Variants in NPHP4 observed in about 807,000 individuals in gnomAD.
NPHP4 encodes the protein nephrocystin-4.
Under a neutral mutation model 155.8 loss-of-function variants are expected in NPHP4, and 151 were observed. The ratio of observed to expected loss-of-function variants is 0.97; its 90% confidence interval spans 0.85 to 1.11. The LOEUF (loss-of-function observed/expected upper bound fraction) is 1.11. NPHP4 is among the 50% of genes least tolerant of loss of function. The pLI is 0.00. For missense variants in NPHP4, 1,956 were observed against 1,925.7 expected (o/e 1.02, Z -0.29); for synonymous variants, 845 against 816.8 (o/e 1.03, Z -0.59).
rs1020367421 is a variant in NPHP4, at chr1:5,962,378, C to A, written c.518-429G>T. Among the ~76,000 whole-genome samples the A allele has an allele frequency of 2.0e-5, 3 of 152,076 alleles. No homozygotes were observed. In the East Asian group the frequency reaches 5.8e-4, roughly 29 times the overall value. ...CAGTTTTTAATCCAACATAAAATCT[C>A]TCCCACCCACTAATTCCCTCAGTCT... is the stretch of plus-strand genomic sequence containing the variant. On this transcript the variant is annotated intron_variant, in intron 5 of 29. Transcript: ENST00000378156.
chr1:5,876,806 C>T (rs970538483), intron 20 of NPHP4: 1 of 337,622 alleles, frequency 3.0e-6, no homozygotes, highest in African/African-American at 2.1e-5. Context: ...CTCAGAATCA[C>T]CTGCAAAGCT....
intron 13 of NPHP4, among the ~76,000 whole-genome samples, chr1:5,906,178 T>C (rs569339360): frequency 2.4e-4 from 36 of 152,328 alleles, no homozygotes; most frequent in African/African-American, 7.9e-4. Flanking sequence ...AGCATGTTTA[T>C]AGAACAGAAA....
intron 5 of NPHP4, among the ~76,000 whole-genome samples, chr1:5,966,918 C>G (rs992561511): frequency 3.3e-5 from 5 of 152,256 alleles, no homozygotes; most frequent in African/African-American, 9.6e-5. Context: ...TCTAAGGCGG[C>G]CTCTCAGCCA....
At chr1:5,970,128 C>A (rs924870248) in intron 3 of NPHP4, among the ~76,000 whole-genome samples, 4 of 152,150 alleles carry the variant, frequency 2.6e-5, no homozygotes, top group Admixed American at 2.6e-4. Context: ...CTCATACGGG[C>A]GCTCCCACTT....
intron 3 of NPHP4, among the ~76,000 whole-genome samples, chr1:5,972,967 C>T (rs1379649645): frequency 6.6e-6 from 1 of 152,074 alleles, no homozygotes; most frequent in Non-Finnish European, 1.5e-5. Context: ...TCACTGCAAC[C>T]TCCACCCGCC....
rs371207410 is a variant in NPHP4 at position 5,969,221 on chromosome 1, G to A, written c.318C>T (p.Ile106=). 12 of 1,583,104 alleles carry A rather than the reference G, an allele frequency of 7.6e-6. No homozygotes were observed. The highest frequency in any genetic ancestry group is 1.3e-5 in the African/African-American group (1 of 74,298). ...CAGCGACCACTTCCACCACAGCCAC[G>A]ATATGAGGGTGGTTTAGGGATGTGT... ...YFHTSLNHPH[I]VAVVEVVAEG... Residue 106 remains isoleucine (I), a synonymous_variant, in exon 4 of 30, where the codon ATC becomes ATT. Coordinates refer to ENST00000378156, the MANE Select transcript of NPHP4 (RefSeq NM_015102.5).
In NPHP4 at chr1:5,867,772, G is replaced by A. The variant is rs200111670; in HGVS notation, c.3440C>T (p.Ala1147Val). ...TGTGTGCCAGGGCGGCAGGCGGATGGCCTTCTTCAGGAAGGAGAGCTCCGG... is the reference window on the plus strand; with the variant it reads ...TGTGTGCCAGGGCGGCAGGCGGATGACCTTCTTCAGGAAGGAGAGCTCCGG... ...YHPELSFLKKAIRLPPWHTFP... is the reference protein window; with the variant it reads ...YHPELSFLKKVIRLPPWHTFP... Residue 1147 changes from alanine (A) to valine (V), a missense_variant, in exon 24 of 30, where the codon GCC (alanine) becomes GTC (valine). Coordinates refer to ENST00000378156, the MANE Select transcript of NPHP4 (RefSeq NM_015102.5). This position sits in a 1 kb window ranked among gnomAD's most constrained non-coding sequence, Gnocchi z 4.1. 5 of 1,611,798 alleles carry A rather than the reference G, an allele frequency of 3.1e-6. No individual in the cohort carries two copies. In the Admixed American group the frequency reaches 8.3e-5, roughly 27 times the overall value.
chr1:5,971,834 CA>C (rs1297701338), intron 3 of NPHP4, among the ~76,000 whole-genome samples: 1 of 150,964 alleles, frequency 6.6e-6, no homozygotes, highest in Non-Finnish European at 1.5e-5. Context: ...GCCTGCAGGG[CA>C]AGGTCACTGG....
At position 5,887,367 on chromosome 1, in the gene NPHP4, T is replaced by C. The variant is rs368424314; in HGVS notation, c.2404A>G (p.Met802Val). 1 of 1,613,448 alleles carries C rather than the reference T, an allele frequency of 6.2e-7. No homozygotes were observed. The highest frequency in any genetic ancestry group is 8.5e-7 in the Non-Finnish European group (1 of 1,179,894). Residue 802 changes from methionine to valine, a missense_variant, in exon 18 of 30, where the codon ATG becomes GTG. Coordinates refer to ENST00000378156, the MANE Select transcript of NPHP4 (RefSeq NM_015102.5). ...EQDNMVVSGD[M>V]LGFGRVKPIG... The stretch of plus-strand genomic sequence containing the variant: ...GGCTTGACGCGGCCAAACCCCAGCA[T>C]GTCTCCACTCACCACCATGTTGTCC...
chr1:5,956,066 G>GA (rs1553190524), intron 6 of NPHP4, among the ~76,000 whole-genome samples: 3 of 150,100 alleles, frequency 2.0e-5, no homozygotes, highest in African/African-American at 7.4e-5. Flanking sequence ...AGCTGGGGGG[G>GA]GGGGGTGCAG....
intron 9 of NPHP4, among the ~76,000 whole-genome samples, chr1:5,941,025 T>C (rs1016752832): frequency 5.9e-5 from 9 of 152,120 alleles, no homozygotes; most frequent in African/African-American, 2.2e-4. Context: ...AAAGCTGAAC[T>C]TGCCTTACCA....
At chr1:5,885,204 C>T (rs1249843275) in intron 18 of NPHP4, among the ~76,000 whole-genome samples, 1 of 145,986 alleles carries the variant, frequency 6.8e-6, no homozygotes, top group African/African-American at 2.5e-5. Flanking sequence ...CCCAGCTGAA[C>T]CCCCGTCCTA....
In NPHP4 at chr1:5,904,688, G is replaced by A. The variant is rs1644828453; in HGVS notation, c.2072C>T (p.Ala691Val). The A allele has an allele frequency of 6.2e-7, 1 of 1,613,914 alleles. No homozygotes were observed. The highest frequency in any genetic ancestry group is 8.5e-7 in the Non-Finnish European group (1 of 1,179,898). Residue 691 changes from alanine (A) to valine (V), a missense_variant, in exon 16 of 30, where the codon GCC (alanine) becomes GTC (valine). Coordinates refer to ENST00000378156, the MANE Select transcript of NPHP4 (RefSeq NM_015102.5). Reference sequence around the variant, plus strand: ...CAGGGCGCCAGAGCTGGGCTGGCCGGCCTCATCCAGCTGGACCAGCTGCAG... The same window carrying A: ...CAGGGCGCCAGAGCTGGGCTGGCCGACCTCATCCAGCTGGACCAGCTGCAG... ...PRLQLVQLDEAGQPSSGALTH... is the reference protein window; with the variant it reads ...PRLQLVQLDEVGQPSSGALTH...
intron 9 of NPHP4, among the ~76,000 whole-genome samples, chr1:5,938,823 A>G (rs900762529): frequency 6.6e-6 from 1 of 152,256 alleles, no homozygotes; most frequent in African/African-American, 2.4e-5. Flanking sequence ...CGTCTGAATC[A>G]TCAGAATCGG....
intron 18 of NPHP4, among the ~76,000 whole-genome samples, chr1:5,883,065 T>C (rs1570214481): frequency 6.7e-6 from 1 of 149,084 alleles, no homozygotes; most frequent in South Asian, 2.1e-4. Flanking sequence ...TTCATCACTC[T>C]CTCCACCACG....
At chr1:5,971,172 C>T (rs1039121120) in intron 3 of NPHP4, among the ~76,000 whole-genome samples, 5 of 152,216 alleles carry the variant, frequency 3.3e-5, no homozygotes, top group Admixed American at 3.3e-4. Context: ...GTGGAACCTG[C>T]CGCTACGGGC....
At chr1:5,956,932 T>C (rs1649352849) in intron 6 of NPHP4, among the ~76,000 whole-genome samples, 1 of 152,204 alleles carries the variant, frequency 6.6e-6, no homozygotes, top group Non-Finnish European at 1.5e-5. Flanking sequence ...ACATCGTGGC[T>C]AGACGTGGAG....
At chr1:5,990,754 G>A (rs1364432778) in intron 1 of NPHP4, among the ~76,000 whole-genome samples, 10 of 152,154 alleles carry the variant, frequency 6.6e-5, no homozygotes, top group Non-Finnish European at 4.4e-5. Context: ...GAGGCCCAGA[G>A]GGAAAAAGTA....
intron 6 of NPHP4, 92 bp downstream of exon 6, chr1:5,961,702 C>A: frequency 2.3e-6 from 3 of 1,292,528 alleles, no homozygotes; most frequent in Non-Finnish European, 3.3e-6. Context: ...TCGGCCCACG[C>A]TGCCCCCAGA....
Sources: allele counts gnomAD v4.1 joint callset (sites outside exome capture counted in the v4.1 genomes callset), GRCh38; gene constraint gnomAD v4.1.1; non-coding constraint Gnocchi (gnomAD v3.1); transcripts MANE v1.5; gene names NCBI Gene and HGNC (gene_info 2026-07-23, HGNC 2026-07-21).